The following MEGF11 variants were observed in gnomAD, a reference collection of about 807,000 sequenced individuals.
The protein encoded by MEGF11 is multiple epidermal growth factor-like domains protein 11.
MEGF11 carries 126 observed loss-of-function variants against 146.6 expected under a neutral mutation model. The ratio of observed to expected loss-of-function variants is 0.86; its 90% CI spans 0.74 to 1.00. The LOEUF (loss-of-function observed/expected upper bound fraction) is 1.00. MEGF11 is among the 50% of genes least tolerant of loss of function. The probability of loss-of-function intolerance (pLI) is 0.00; values close to 1 mark genes in which losing one functional copy is unlikely to be tolerated. For synonymous variants in MEGF11, 532 were observed against 583.4 expected (o/e 0.91, Z 1.27); for missense variants, 1,509 against 1,521.2 (o/e 0.99, Z 0.13).
chr15:66,039,420 G>T (rs953838820), intron 5 of MEGF11, among the ~76,000 whole-genome samples: 3 of 152,304 alleles, frequency 2.0e-5, no homozygotes, highest in Admixed American at 2.0e-4. Flanking sequence ...TACGGGAAGA[G>T]GGAAGAGAGT....
chr15:66,085,744 CT>C (rs1041504477), intron 5 of MEGF11, among the ~76,000 whole-genome samples: 38 of 152,278 alleles, frequency 2.5e-4, no homozygotes, highest in African/African-American at 8.4e-4. Context: ...AAAACCAACC[CT>C]GGTAATATGA....
chr15:66,110,932 CCCTCCTCCCCCTCCAAA>C (rs2087362354), intron 4 of MEGF11, among the ~76,000 whole-genome samples: 1 of 152,024 alleles, frequency 6.6e-6, no homozygotes, highest in African/African-American at 2.4e-5. Flanking sequence ...AGCTTCAGTC[CCCTCCTCCCCCTCCAAA>C]CCTCCTCCCC....
At chr15:66,227,696 T>C (rs1285634814) in intron 1 of MEGF11, among the ~76,000 whole-genome samples, 1 of 152,178 alleles carries the variant, frequency 6.6e-6, no homozygotes, top group Non-Finnish European at 1.5e-5. Context: ...AGCACCTTTC[T>C]TCCCCAGTTC....
At chr15:65,950,301 C>T (rs1270192301) in intron 10 of MEGF11, among the ~76,000 whole-genome samples, 4 of 152,166 alleles carry the variant, frequency 2.6e-5, no homozygotes. Context: ...AAACTAGAGG[C>T]AGGCTGGGTA....
chr15:66,007,155 C>T (rs530066731), intron 5 of MEGF11, among the ~76,000 whole-genome samples: 22 of 152,336 alleles, frequency 1.4e-4, no homozygotes, highest in Non-Finnish European at 2.9e-4. Context: ...GGTCAGCACA[C>T]GTGAGTCACC....
chr15:65,915,470 C>T lies in MEGF11; in HGVS notation c.2473G>A (p.Ala825Thr), dbSNP rs1189699829. ...PGFKGIRCDQ[A>T]ALMMEELNPY... ...CGGGGCTCTGCCACGTGTGTATTACCTTGGTCACACCTGATTCCTTTGAAG... is the reference window on the plus strand; with the variant it reads ...CGGGGCTCTGCCACGTGTGTATTACTTTGGTCACACCTGATTCCTTTGAAG... Residue 825 changes from alanine (A) to threonine (T), a missense_variant and splice_region_variant, in exon 19 of 26, where the codon GCT becomes ACT. Ala to Thr is a moderately conservative substitution (Grantham distance 58). Transcript: ENST00000395614. 2.5e-6 allele frequency: 4 copies of T among 1,613,806 alleles called. No homozygotes were observed. In the Middle Eastern group the frequency reaches 5.0e-4, roughly 203 times the overall value.
intron 1 of MEGF11, among the ~76,000 whole-genome samples, chr15:66,249,777 T>A (rs28396254): frequency 0.17 from 26,122 of 152,204 alleles, 2,703 homozygotes; most frequent in Middle Eastern, 0.31. Context: ...GAAATGCAAA[T>A]TGCTGGACCT....
At position 65,942,334 on chromosome 15, in the gene MEGF11, A is replaced by G. The variant is rs547332699; in HGVS notation, c.1288-11391T>C. ...AAATATGTGTTGACAATGAAGGCAG[A>G]AATGGCTTATGGGGGCTTATGGAGG... is the stretch of plus-strand genomic sequence containing the variant. On this transcript the variant is annotated intron_variant, in intron 10 of 25. Transcript: ENST00000395614. Among the ~76,000 whole-genome samples the G allele has an allele frequency of 4.6e-5, 7 of 152,326 alleles. No homozygotes were observed. In the East Asian group the frequency reaches 1.3e-3, roughly 29 times the overall value.
chr15:66,183,570 C>T (rs369407542), intron 1 of MEGF11, among the ~76,000 whole-genome samples: 4 of 151,172 alleles, frequency 2.6e-5, no homozygotes, highest in Non-Finnish European at 2.9e-5. Flanking sequence ...ACGGATGCCA[C>T]GAAGCAAAAG....
intron 10 of MEGF11, among the ~76,000 whole-genome samples, chr15:65,943,487 T>C (rs1034815352): frequency 2.6e-5 from 4 of 152,064 alleles, no homozygotes; most frequent in African/African-American, 7.2e-5. Context: ...CGGTGGTATA[T>C]ATTCCTGATG....
At chr15:65,985,257 C>T (rs888147845) in intron 5 of MEGF11, among the ~76,000 whole-genome samples, 3 of 152,178 alleles carry the variant, frequency 2.0e-5, no homozygotes, top group Admixed American at 2.0e-4. Flanking sequence ...GCCCAGCTCT[C>T]CTGGTTCTAG....
chr15:66,157,512 A>G (rs1266067360), intron 1 of MEGF11, among the ~76,000 whole-genome samples: 1 of 152,234 alleles, frequency 6.6e-6, no homozygotes, highest in Non-Finnish European at 1.5e-5. Context: ...CCTACTATGT[A>G]CAAGGCTTTG....
intron 1 of MEGF11, among the ~76,000 whole-genome samples, chr15:66,204,563 C>T (rs1021506636): frequency 6.6e-6 from 1 of 152,182 alleles, no homozygotes; most frequent in African/African-American, 2.4e-5. Context: ...ACAGGCCCGC[C>T]TACCTGCCTG....
At chr15:65,928,128 C>T (rs1179147840) in intron 13 of MEGF11, among the ~76,000 whole-genome samples, 1 of 152,184 alleles carries the variant, frequency 6.6e-6, no homozygotes, top group East Asian at 1.9e-4. Context: ...GAGAAAGGCC[C>T]TTGTCCCCTT....
intron 1 of MEGF11, among the ~76,000 whole-genome samples, chr15:66,236,736 A>G (rs571807582): frequency 6.6e-6 from 1 of 152,112 alleles, no homozygotes. Flanking sequence ...GTTTGCAGGC[A>G]GCTTCCTGTC....
intron 1 of MEGF11, among the ~76,000 whole-genome samples, chr15:66,192,131 C>A (rs879300437): frequency 2.6e-5 from 4 of 151,352 alleles, no homozygotes; most frequent in Non-Finnish European, 5.9e-5. Flanking sequence ...AATGGTAGTT[C>A]AACAAATATC....
intron 9 of MEGF11, among the ~76,000 whole-genome samples, chr15:65,962,482 C>T (rs528436505): frequency 8.5e-5 from 13 of 152,186 alleles, no homozygotes; most frequent in Non-Finnish European, 1.8e-4. Context: ...CAGCCCTCTA[C>T]AACAAAGAAT....
rs530928296 is a variant in MEGF11, at chr15:66,232,606, C to G, written c.-9+20999G>C. On this transcript the variant is annotated intron_variant, in intron 1 of 25. Coordinates refer to ENST00000395614, the MANE Select transcript of MEGF11 (RefSeq NM_001385028.1). ...CATTTCCCAGCTGGCACTCCAGAAC[C>G]TTAGGGTCTGAACCCTGGCCTTCAT... Among the ~76,000 whole-genome samples the G allele has an allele frequency of 3.8e-4, 58 of 152,302 alleles. 1 individual carries two copies. Among genetic ancestry groups the G allele is most frequent in the African/African-American group, 1.4e-3 (57 of 41,560 alleles).
At chr15:65,905,051 T>A (rs2078586398) in intron 24 of MEGF11, among the ~76,000 whole-genome samples, 1 of 152,162 alleles carries the variant, frequency 6.6e-6, no homozygotes, top group Non-Finnish European at 1.5e-5. Flanking sequence ...TGCCACCATG[T>A]CTGGCTAATT....
Sources: gnomAD v4.1 joint callset for allele counts (sites outside exome capture counted in the v4.1 genomes callset) on GRCh38, gnomAD v4.1.1 for gene constraint, MANE v1.5 for transcripts, NCBI Gene and HGNC (gene_info 2026-07-23, HGNC 2026-07-21) for gene names.